SYT9: variants seen among roughly 807,000 people sequenced by gnomAD.
SYT9 encodes synaptotagmin 9.
Under a neutral mutation model 48.4 loss-of-function variants are expected in SYT9, and 22 were observed. That is an observed-to-expected ratio of 0.45 (90% confidence interval 0.32 to 0.65). SYT9 has a LOEUF of 0.65. Among genes scored for constraint, SYT9 ranks in the 30% least tolerant of loss-of-function variants. The pLI is 0.03. For synonymous variants in SYT9, 265 were observed against 245.0 expected (o/e 1.08, Z -0.76); for missense variants, 577 against 622.0 (o/e 0.93, Z 0.77).
chr11:7,253,524 G>A (rs1847911866), intron 1 of SYT9, among the ~76,000 whole-genome samples: 2 of 152,134 alleles, frequency 1.3e-5, no homozygotes, highest in South Asian at 4.2e-4. Context: ...GTCGTGTGGG[G>A]TGAAGTCATC....
At chr11:7,334,099 A>T (rs1487850) in intron 3 of SYT9, among the ~76,000 whole-genome samples, 42,506 of 152,078 alleles carry the variant, frequency 0.28, 6,234 homozygotes, top group Middle Eastern at 0.32. Flanking sequence ...GCAGAGTCCC[A>T]CGCAAAAGGA....
chr11:7,326,541 T>G (rs1849439311), intron 3 of SYT9, among the ~76,000 whole-genome samples: 1 of 151,854 alleles, frequency 6.6e-6, no homozygotes, highest in Non-Finnish European at 1.5e-5. Context: ...TCTATCAATT[T>G]TGTTGATCCT....
At chr11:7,395,827 A>G (rs1224224346) in intron 3 of SYT9, among the ~76,000 whole-genome samples, 1 of 151,914 alleles carries the variant, frequency 6.6e-6, no homozygotes, top group Middle Eastern at 3.2e-3. Context: ...TGTTTAGACC[A>G]TTTACATTCA....
At chr11:7,287,523 A>G (rs1848618759) in intron 1 of SYT9, among the ~76,000 whole-genome samples, 1 of 152,248 alleles carries the variant, frequency 6.6e-6, no homozygotes, top group African/African-American at 2.4e-5. Context: ...TTCTCAAGAC[A>G]ACATTAAGTA....
rs565845680 is a variant in SYT9 at position 7,443,780 on chromosome 11, C to G, written c.1468-23012C>G. Among the ~76,000 whole-genome samples the G allele has an allele frequency of 1.3e-5, 2 of 152,312 alleles. 1 individual carries two copies. Among genetic ancestry groups the G allele is most frequent in the South Asian group, 4.1e-4 (2 of 4,824 alleles). On this transcript the variant is annotated intron_variant, in intron 6 of 6. Transcript: ENST00000318881. ...ATCTGCTCTATTTGCCATTGTATAC[C>G]CAATCCTTCACATAGTACCTGGCAC...
chr11:7,243,708 G>GT (rs1306609494), intron 1 of SYT9, among the ~76,000 whole-genome samples: 37 of 152,208 alleles, frequency 2.4e-4, no homozygotes, highest in African/African-American at 8.7e-4. Context: ...TGGGGATGGG[G>GT]GAGGTTTGCT....
At chr11:7,247,899 C>G (rs1004496299), upstream of SYT9, among the ~76,000 whole-genome samples, 4 of 152,016 alleles carry the variant, frequency 2.6e-5, no homozygotes, top group African/African-American at 9.7e-5. Context: ...TAAGGCATCT[C>G]CACACTGTTT....
At chr11:7,317,622 G>C (rs547179523) in intron 3 of SYT9, among the ~76,000 whole-genome samples, 1 of 152,224 alleles carries the variant, frequency 6.6e-6, no homozygotes, top group African/African-American at 2.4e-5. Context: ...AATCACACTG[G>C]GGATTAGGGT....
chr11:7,408,257 TA>T (rs1353919610), intron 3 of SYT9, among the ~76,000 whole-genome samples: 2 of 152,112 alleles, frequency 1.3e-5, no homozygotes, highest in Admixed American at 6.6e-5. Context: ...GCCTCCTGAG[TA>T]GCTGGGATTA....
At chr11:7,413,261 A>G (rs1847174147) in intron 3 of SYT9, among the ~76,000 whole-genome samples, 1 of 152,184 alleles carries the variant, frequency 6.6e-6, no homozygotes. Context: ...ACACAAAAGT[A>G]TCTGGCCTCA....
At chr11:7,456,042 C>T (rs1023619715) in intron 6 of SYT9, among the ~76,000 whole-genome samples, 71 of 152,208 alleles carry the variant, frequency 4.7e-4, no homozygotes, top group Non-Finnish European at 1.0e-4. Flanking sequence ...GAATGAAGTA[C>T]TCCCTTAATA....
chr11:7,313,199 G>T (rs746350069), intron 2 of SYT9, among the ~76,000 whole-genome samples, 196 bp from the exon 3 acceptor site: 11 of 152,108 alleles, frequency 7.2e-5, no homozygotes, highest in Non-Finnish European at 1.6e-4. Context: ...AGCCTCAGTT[G>T]TGAGCTTCAA....
chr11:7,355,324 C>G (rs146098188), intron 3 of SYT9, among the ~76,000 whole-genome samples: 5 of 152,186 alleles, frequency 3.3e-5, no homozygotes, highest in Admixed American at 2.0e-4. Context: ...TCTTTACCCC[C>G]TAGCCTTACC....
chr11:7,416,068 G>GT lies in SYT9; in HGVS notation c.1075dup (p.Ser359PhefsTer41). 6.2e-7 allele frequency: 1 copy of GT among 1,614,156 alleles called. No individual in the cohort carries two copies. On this transcript the variant is annotated frameshift_variant, in exon 4 of 7. Transcript: ENST00000318881. LOFTEE classifies it high-confidence loss of function. ...ACAACGTGGATCTGGGAGAGCTGAT[G>GT]TTTTCCCTGTGCTATCTTCCAACGG...
chr11:7,251,099 G>GACCAC (rs1847857726), upstream of SYT9, among the ~76,000 whole-genome samples: 1 of 131,900 alleles, frequency 7.6e-6, no homozygotes, highest in African/African-American at 2.6e-5. Flanking sequence ...GTGGCACAGT[G>GACCAC]ACACACACAC....
chr11:7,384,062 CCACACA>C (rs3086255), intron 3 of SYT9, among the ~76,000 whole-genome samples: 89,508 of 149,528 alleles, frequency 0.6, 28,158 homozygotes, highest in Non-Finnish European at 0.7. Flanking sequence ...AATTCACTAG[CCACACA>C]CACACACACA....
intron 6 of SYT9, chr11:7,444,090 T>C (rs1266298331): frequency 1.3e-5 from 2 of 152,230 alleles, no homozygotes; most frequent in Non-Finnish European, 2.9e-5. Context: ...CCATCCTCCC[T>C]GGGCTGAGAT....
At chr11:7,402,732 T>C (rs995455757) in intron 3 of SYT9, among the ~76,000 whole-genome samples, 3 of 152,044 alleles carry the variant, frequency 2.0e-5, no homozygotes, top group African/African-American at 7.2e-5. Flanking sequence ...TTTAAGTAGG[T>C]TTTTTGTAGA....
chr11:7,290,228 A>G (rs916311065), intron 1 of SYT9, among the ~76,000 whole-genome samples: 1 of 152,208 alleles, frequency 6.6e-6, no homozygotes, highest in African/African-American at 2.4e-5. Flanking sequence ...GCTTGGAAGT[A>G]TTTCTCAGGA....
Sources: gnomAD v4.1 joint callset for allele counts (sites outside exome capture counted in the v4.1 genomes callset) on GRCh38, gnomAD v4.1.1 for gene constraint, MANE v1.5 for transcripts, NCBI Gene and HGNC (gene_info 2026-07-23, HGNC 2026-07-21) for gene names.